PHKB: variants seen among roughly 807,000 people sequenced by gnomAD.
PHKB encodes the protein phosphorylase kinase regulatory subunit beta, also known as phosphorylase b kinase regulatory subunit beta.
In PHKB, 122 loss-of-function variants were observed where a neutral mutation model predicts 152.1. The observed-to-expected ratio is 0.80, with a 90% CI of 0.69 to 0.93. The LOEUF is 0.93. PHKB is among the 40% of genes least tolerant of loss of function. The pLI is 0.00. For synonymous variants in PHKB, 436 were observed against 464.9 expected (o/e 0.94, Z 0.80); for missense variants, 1,304 against 1,328.4 (o/e 0.98, Z 0.29).
intron 14 of PHKB, among the ~76,000 whole-genome samples, chr16:47,640,739 C>G (rs901405504): frequency 6.6e-6 from 1 of 152,066 alleles, no homozygotes; most frequent in Non-Finnish European, 1.5e-5. Flanking sequence ...AAATGACTCT[C>G]GGTCCCCAAA....
chr16:47,517,497 T>C (rs1970618176), intron 6 of PHKB, among the ~76,000 whole-genome samples: 2 of 152,164 alleles, frequency 1.3e-5, no homozygotes, highest in Non-Finnish European at 2.9e-5. Flanking sequence ...GCTCAAGCAA[T>C]CAGCCCACCT....
At chr16:47,596,083 TG>T (rs1163020834) in intron 12 of PHKB, among the ~76,000 whole-genome samples, 3 of 152,270 alleles carry the variant, frequency 2.0e-5, no homozygotes, top group African/African-American at 4.8e-5. Context: ...AATTGAATCA[TG>T]GGGGGCGGTT....
At chr16:47,588,232 A>G (rs1398503067) in intron 9 of PHKB, among the ~76,000 whole-genome samples, 2 of 151,894 alleles carry the variant, frequency 1.3e-5, no homozygotes, top group African/African-American at 4.8e-5. Context: ...TCTGTTATTT[A>G]GAAAACACCC....
chr16:47,548,896 G>A (rs965362200), intron 7 of PHKB, among the ~76,000 whole-genome samples: 5 of 152,140 alleles, frequency 3.3e-5, no homozygotes, highest in Non-Finnish European at 1.5e-5. Context: ...ATTTGAATGT[G>A]TAGCATAAGA....
At chr16:47,564,455 G>A (rs1293569156) in intron 7 of PHKB, among the ~76,000 whole-genome samples, 1 of 151,800 alleles carries the variant, frequency 6.6e-6, no homozygotes, top group East Asian at 1.9e-4. Context: ...TTTTCATGTT[G>A]GTTGGCCATT....
chr16:47,501,215 AG>A lies in PHKB; in HGVS notation c.305+1322del, dbSNP rs1433096526. Among the ~76,000 whole-genome samples the A allele has an allele frequency of 1.4e-4, 21 of 152,334 alleles. No individual in the cohort carries two copies. The South Asian group carries it at 2.7e-3, about 20-fold the overall frequency. On this transcript the variant is annotated intron_variant, in intron 3 of 30. Coordinates refer to ENST00000323584, the MANE Select transcript of PHKB (RefSeq NM_000293.3). ...TACACCTTGTGCTAACATCTTACCA[AG>A]TTATCTAACATGAGTCTACATATGA...
At position 47,698,460 on chromosome 16, in the gene PHKB, G is replaced by T; in HGVS notation, c.3016G>T (p.Val1006Leu). 1 of 1,609,900 alleles carries T rather than the reference G, an allele frequency of 6.2e-7. No homozygotes were observed. Among genetic ancestry groups the T allele is most frequent in the Non-Finnish European group, 8.5e-7 (1 of 1,176,304 alleles). ...CTGTCTCTTCTAGTTACTTATGGTT[G>T]TATCCATTGTACTGGAAAGAAACCC... The part of the protein sequence containing the change: ...RQIVVELLMV[V>L]SIVLERNPEL... Residue 1006 changes from valine to leucine, a missense_variant, in exon 30 of 31, where the codon GTA becomes TTA. Physicochemically the swap from Val to Leu is conservative, Grantham distance 32. Coordinates refer to ENST00000323584, the MANE Select transcript of PHKB (RefSeq NM_000293.3).
chr16:47,630,173 T>TA (rs971922691), intron 14 of PHKB, among the ~76,000 whole-genome samples: 412 of 150,486 alleles, frequency 2.7e-3, no homozygotes, highest in African/African-American at 9.2e-3. Flanking sequence ...TTAAAGTATA[T>TA]AAAAAAAAAG....
At chr16:47,602,927 C>G (rs1972258112) in intron 13 of PHKB, among the ~76,000 whole-genome samples, 1 of 152,156 alleles carries the variant, frequency 6.6e-6, no homozygotes, top group Non-Finnish European at 1.5e-5. Flanking sequence ...AAATACTTCT[C>G]TCTGTCTCTC....
At chr16:47,667,165 G>A (rs895253761) in intron 25 of PHKB, among the ~76,000 whole-genome samples, 1 of 152,026 alleles carries the variant, frequency 6.6e-6, no homozygotes, top group Non-Finnish European at 1.5e-5. Context: ...GGGCATGGTG[G>A]CTCACACCTG....
intron 14 of PHKB, among the ~76,000 whole-genome samples, chr16:47,640,679 T>C (rs1973002626): frequency 6.6e-6 from 1 of 152,034 alleles, no homozygotes; most frequent in Admixed American, 6.6e-5. Flanking sequence ...ACACATAAAT[T>C]GGGTTTTTAT....
Position 47,511,664 on chromosome 16 carries a change from G to C in PHKB, c.406-1G>C, listed in dbSNP as rs1274452720. The C allele has an allele frequency of 2.5e-6, 4 of 1,590,710 alleles. No homozygotes were observed. In the Admixed American group the frequency reaches 6.7e-5, roughly 27 times the overall value. ...TTGTTTAATTTTATATTTCATTCTA[G>C]GTCCAGCAGTTTAAGCAGGATCCAC... On this transcript the variant is annotated splice_acceptor_variant, in intron 4 of 30. Coordinates refer to ENST00000323584, the MANE Select transcript of PHKB (RefSeq NM_000293.3). LOFTEE classifies it high-confidence loss of function.
chr16:47,525,751 A>C (rs751478016), intron 6 of PHKB, among the ~76,000 whole-genome samples: 1 of 152,218 alleles, frequency 6.6e-6, no homozygotes, highest in Non-Finnish European at 1.5e-5. Flanking sequence ...CTTTAGATGA[A>C]GTGCACTCTG....
chr16:47,492,124 G>T (rs1175538421), intron 1 of PHKB, among the ~76,000 whole-genome samples: 2 of 152,160 alleles, frequency 1.3e-5, no homozygotes, highest in Non-Finnish European at 2.9e-5. Context: ...CCTAAGGCAG[G>T]ATTGAACTCC....
At chr16:47,611,492 G>C (rs764075700) in intron 14 of PHKB, among the ~76,000 whole-genome samples, 2 of 152,142 alleles carry the variant, frequency 1.3e-5, no homozygotes, top group Non-Finnish European at 2.9e-5. Context: ...CTGTTAAAAT[G>C]AGAATGTTGT....
intron 7 of PHKB, 37 bp from the exon 8 acceptor site, chr16:47,580,258 A>C (rs749263742): frequency 6.6e-7 from 1 of 1,513,562 alleles, no homozygotes. Context: ...GTAGCCACAT[A>C]CATTAGAGTA....
intron 26 of PHKB, among the ~76,000 whole-genome samples, chr16:47,688,594 C>G (rs2142101538): frequency 6.6e-6 from 1 of 151,442 alleles, no homozygotes; most frequent in South Asian, 2.1e-4. Context: ...AAACAAAAAG[C>G]TTGAGATTTC....
intron 14 of PHKB, among the ~76,000 whole-genome samples, chr16:47,631,552 A>G (rs1451839492): frequency 6.6e-6 from 1 of 152,152 alleles, no homozygotes; most frequent in Non-Finnish European, 1.5e-5. Context: ...ATTGGTATGC[A>G]TGTGCCATGG....
At chr16:47,509,043 A>G (rs1344849360) in intron 4 of PHKB, among the ~76,000 whole-genome samples, 2 of 152,200 alleles carry the variant, frequency 1.3e-5, no homozygotes, top group East Asian at 3.8e-4. Context: ...ACAAATGACA[A>G]ACACCACCTT....
Sources: gnomAD v4.1 joint callset for allele counts (sites outside exome capture counted in the v4.1 genomes callset) on GRCh38, gnomAD v4.1.1 for gene constraint, MANE v1.5 for transcripts, NCBI Gene and HGNC (gene_info 2026-07-23, HGNC 2026-07-21) for gene names.